Variants in GRAMD2B observed in about 807,000 individuals in gnomAD.
GRAMD2B encodes the protein GRAM domain containing 2B, also known as GRAM domain-containing protein 2B.
A neutral mutation model predicts 59.2 loss-of-function variants in GRAMD2B; 41 were observed. The observed-to-expected ratio is 0.69, with a 90% CI of 0.54 to 0.90. The LOEUF (loss-of-function observed/expected upper bound fraction) is 0.90, where lower values mean the gene tolerates loss of function less well. Among genes scored for constraint, GRAMD2B ranks in the 40% least tolerant of loss-of-function variants. The pLI is 0.00. For missense variants in GRAMD2B, 424 were observed against 500.5 expected, an observed-to-expected ratio of 0.85 and a Z score of 1.46; for synonymous variants, 161 against 182.7, an observed-to-expected ratio of 0.88 and a Z score of 0.96.
intron 1 of GRAMD2B, among the ~76,000 whole-genome samples, chr5:126,452,610 T>C (rs1765571818): frequency 6.6e-6 from 1 of 152,152 alleles, no homozygotes; most frequent in Non-Finnish European, 1.5e-5. Flanking sequence ...CCTCAGCCAC[T>C]CTATTCCTTA....
rs1167644465 is a variant in GRAMD2B, at chr5:126,493,970, G to C, written c.*1014G>C. 1 of 152,618 alleles carries C rather than the reference G, an allele frequency of 6.6e-6. No individual in the cohort carries two copies. The highest frequency in any genetic ancestry group is 1.5e-5 in the Non-Finnish European group (1 of 68,032). The allele number at this position is 152,618 out of a possible 1,614,324, so 9.5% of individuals were successfully genotyped here. A position where few individuals can be genotyped will look rare whatever the true frequency, so the allele number is the denominator to read the frequency against. On this transcript the variant is annotated 3_prime_UTR_variant, in exon 14 of 14. Coordinates refer to ENST00000285689, the MANE Select transcript of GRAMD2B (RefSeq NM_023927.4). Reference sequence around the variant, plus strand: ...AATTGTTTAGGGTATCATAAGATCTGTAAGTACAAAGGATATTCTGTTTCT... The same window carrying C: ...AATTGTTTAGGGTATCATAAGATCTCTAAGTACAAAGGATATTCTGTTTCT...
intron 1 of GRAMD2B, among the ~76,000 whole-genome samples, chr5:126,439,134 G>A (rs569809637): frequency 6.6e-6 from 1 of 152,238 alleles, no homozygotes; most frequent in East Asian, 1.9e-4. Flanking sequence ...CATGGCCATT[G>A]AAGATTCCAT....
chr5:126,465,598 G>A (rs937526762), intron 2 of GRAMD2B, 53 bp downstream of exon 2: 12 of 1,530,378 alleles, frequency 7.8e-6, no homozygotes, highest in South Asian at 2.3e-5. Context: ...GGGAGAAGGC[G>A]TTACAGGAGG....
In GRAMD2B at chr5:126,403,095, C is replaced by T. The variant is rs138149633; in HGVS notation, c.125+31528C>T. On this transcript the variant is annotated intron_variant, in intron 1 of 8. Coordinates refer to the GRAMD2B transcript ENST00000506445. ...AGCAATGAAGAAGATGCCATTTCCT[C>T]CTTGGCAGCCAGTTCTACATCTCTC... Among the ~76,000 whole-genome samples, 255 of 152,046 alleles carry T rather than the reference C, an allele frequency of 1.7e-3. 6 individuals carry two copies. In the East Asian group the frequency reaches 0.045, roughly 27 times the overall value.
chr5:126,445,088 A>G (rs1461168840), intron 1 of GRAMD2B, among the ~76,000 whole-genome samples: 3 of 151,534 alleles, frequency 2.0e-5, no homozygotes, highest in East Asian at 1.9e-4. Context: ...TTCTTTATCC[A>G]CTCTATAATT....
upstream of GRAMD2B, among the ~76,000 whole-genome samples, chr5:126,367,044 C>A (rs186260432): frequency 6.6e-6 from 1 of 151,848 alleles, no homozygotes; most frequent in East Asian, 1.9e-4. Flanking sequence ...TTAGTAGAGA[C>A]GGTGGTTTCA....
At chr5:126,454,884 G>C (rs1328530557) in intron 1 of GRAMD2B, among the ~76,000 whole-genome samples, 1 of 152,038 alleles carries the variant, frequency 6.6e-6, no homozygotes, top group East Asian at 1.9e-4. Context: ...ACCTATTTGG[G>C]GCTCCTTTGG....
intron 1 of GRAMD2B, among the ~76,000 whole-genome samples, chr5:126,375,147 A>G (rs1001266828): frequency 1.3e-5 from 2 of 152,076 alleles, no homozygotes; most frequent in Non-Finnish European, 1.5e-5. Context: ...TTATTCCTAG[A>G]TATTTTACAC....
At chr5:126,384,727 G>A (rs1008081637) in intron 1 of GRAMD2B, among the ~76,000 whole-genome samples, 6 of 152,194 alleles carry the variant, frequency 3.9e-5, no homozygotes, top group African/African-American at 9.6e-5. Flanking sequence ...CTCTATGCAC[G>A]CACTCTGGTT....
At chr5:126,391,337 A>AAAAAAAAAAAAAAAAAAAAAAAC (rs1561471900) in intron 1 of GRAMD2B, among the ~76,000 whole-genome samples, 1 of 140,386 alleles carries the variant, frequency 7.1e-6, no homozygotes, top group Non-Finnish European at 1.6e-5. Flanking sequence ...AAAAAAAAAA[A>AAAAAAAAAAAAAAAAAAAAAAAC]AAACTTGTAC....
chr5:126,485,120 C>T (rs4621557), intron 10 of GRAMD2B, among the ~76,000 whole-genome samples: 2 of 151,910 alleles, frequency 1.3e-5, no homozygotes, highest in East Asian at 2.0e-4. Flanking sequence ...TGGGAGTCTG[C>T]GGTGGGAGGA....
At chr5:126,423,349 G>A, upstream of GRAMD2B, 29 of 1,319,280 alleles carry the variant, frequency 2.2e-5, no homozygotes, top group Non-Finnish European at 2.8e-5. Flanking sequence ...GAAAGAGGCT[G>A]TCACTTCGCT....
At chr5:126,367,803 C>G (rs554478786), upstream of GRAMD2B, among the ~76,000 whole-genome samples, 3 of 152,128 alleles carry the variant, frequency 2.0e-5, no homozygotes, top group Non-Finnish European at 4.4e-5. Flanking sequence ...CCAGGCTGGA[C>G]TGCAGTGGCG....
At chr5:126,421,933 C>T (rs997020161), upstream of GRAMD2B, among the ~76,000 whole-genome samples, 4 of 152,098 alleles carry the variant, frequency 2.6e-5, no homozygotes, top group African/African-American at 9.7e-5. Flanking sequence ...CATAGTTAGT[C>T]GTTTTTTCCC....
intron 1 of GRAMD2B, among the ~76,000 whole-genome samples, chr5:126,441,255 A>G (rs1026184244): frequency 1.3e-5 from 2 of 152,236 alleles, no homozygotes; most frequent in South Asian, 2.1e-4. Flanking sequence ...TCTGAAATGT[A>G]ACAGCATGAA....
chr5:126,397,350 G>A (rs947486410), intron 1 of GRAMD2B, among the ~76,000 whole-genome samples: 2 of 152,018 alleles, frequency 1.3e-5, no homozygotes, highest in African/African-American at 4.8e-5. Context: ...TCAGCCTCTT[G>A]CGTAGCTGGG....
chr5:126,385,376 T>G (rs1479169608), intron 1 of GRAMD2B, among the ~76,000 whole-genome samples: 2 of 152,204 alleles, frequency 1.3e-5, no homozygotes, highest in East Asian at 1.9e-4. Flanking sequence ...ATGAGCAATA[T>G]AGGCTTAAAT....
intron 1 of GRAMD2B, among the ~76,000 whole-genome samples, chr5:126,405,023 T>C (rs555837931): frequency 4.6e-5 from 7 of 151,976 alleles, no homozygotes; most frequent in African/African-American, 1.7e-4. Flanking sequence ...TCACACAAAT[T>C]ATAAGTGGTA....
intron 2 of GRAMD2B, chr5:126,466,457 G>C (rs1290061622): frequency 9.0e-6 from 6 of 665,422 alleles, no homozygotes; most frequent in Non-Finnish European, 1.6e-5. Context: ...TCGGAGTCTC[G>C]CTCTGTCATC....
Sources: allele counts gnomAD v4.1 joint callset (sites outside exome capture counted in the v4.1 genomes callset), GRCh38; gene constraint gnomAD v4.1.1; transcripts MANE v1.5; gene names NCBI Gene and HGNC (gene_info 2026-07-23, HGNC 2026-07-21).